Variants in SPTAN1 observed in about 807,000 individuals in gnomAD.
SPTAN1 encodes spectrin alpha chain, non-erythrocytic 1.
SPTAN1 carries 61 observed loss-of-function variants against 331.3 expected under a neutral mutation model. The observed-to-expected ratio is 0.18, with a 90% CI of 0.15 to 0.23. The LOEUF (loss-of-function observed/expected upper bound fraction) is 0.23, where lower values mean the gene tolerates loss of function less well. Ranked by LOEUF, SPTAN1 falls within the 10% of genes least tolerant of loss-of-function variation. The pLI is 1.00. For synonymous variants in SPTAN1, 1,153 were observed against 1,173.9 expected (o/e 0.98, Z 0.36); for missense variants, 2,043 against 3,147.9 (o/e 0.65, Z 8.40).
In SPTAN1 at chr9:128,625,071, G is replaced by A. The variant is rs1004407026; in HGVS notation, c.5993-32G>A. 2 of 1,598,976 alleles carry A rather than the reference G, an allele frequency of 1.3e-6. No individual in the cohort carries two copies. Among genetic ancestry groups the A allele is most frequent in the Admixed American group, 1.7e-5 (1 of 60,012 alleles). On this transcript the variant is annotated intron_variant, in intron 46 of 56. Coordinates refer to ENST00000372739, the MANE Select transcript of SPTAN1 (RefSeq NM_001130438.3). This position sits in a 1 kb window ranked among gnomAD's most constrained non-coding sequence, Gnocchi z 4.1. ...CTTTCTAATCCATCTCCACTGAGGA[G>A]GGCAGTATATTTTCCACACTTCGTT...
intron 1 of SPTAN1, among the ~76,000 whole-genome samples, chr9:128,558,837 C>T (rs1848960140): frequency 6.6e-6 from 1 of 151,814 alleles, no homozygotes; most frequent in African/African-American, 2.4e-5. Flanking sequence ...GGGTGAGAGG[C>T]TGTAGCACCT....
At chr9:128,593,872 G>A in intron 23 of SPTAN1, 1 of 407,084 alleles carries the variant, frequency 2.5e-6, no homozygotes, top group Non-Finnish European at 4.7e-6. Flanking sequence ...ACTGTGCTAA[G>A]CGCTTGGTTT....
intron 29 of SPTAN1, among the ~76,000 whole-genome samples, chr9:128,604,803 C>T (rs765268242): frequency 2.2e-4 from 33 of 151,920 alleles, no homozygotes; most frequent in Non-Finnish European, 4.0e-4. Context: ...TGGTGGTGGG[C>T]GCCTGTAATC....
intron 2 of SPTAN1, among the ~76,000 whole-genome samples, chr9:128,567,194 T>G (rs1458300079): frequency 6.6e-6 from 1 of 152,242 alleles, no homozygotes; most frequent in Non-Finnish European, 1.5e-5. Context: ...AAACTGATGG[T>G]TCTCAAACCT....
intron 11 of SPTAN1, among the ~76,000 whole-genome samples, chr9:128,581,310 TC>T (rs1235267406): frequency 6.6e-6 from 1 of 152,042 alleles, no homozygotes; most frequent in African/African-American, 2.4e-5. Flanking sequence ...GAGATTTTTT[TC>T]TTAGAACTTA....
chr9:128,615,376 G>A (rs1564292538), intron 40 of SPTAN1, among the ~76,000 whole-genome samples: 1 of 152,060 alleles, frequency 6.6e-6, no homozygotes, highest in Non-Finnish European at 1.5e-5. Context: ...CCACTGCCTT[G>A]ATTTGAGCTA....
intron 24 of SPTAN1, chr9:128,595,814 G>A (rs1173296954): frequency 6.6e-6 from 1 of 151,984 alleles, no homozygotes. Context: ...GTCACTTTTT[G>A]TGACTGGCTT....
rs142967011 is a variant in SPTAN1, at chr9:128,583,312, C to A, written c.2011+31C>A. On this transcript the variant is annotated intron_variant, in intron 15 of 56. Coordinates refer to ENST00000372739, the MANE Select transcript of SPTAN1 (RefSeq NM_001130438.3). Reference sequence around the variant, plus strand: ...AGATGTTCCATTGAATTGTGACATGCATGTTTGGGGAACTAAATACCCCTT... The same window carrying A: ...AGATGTTCCATTGAATTGTGACATGAATGTTTGGGGAACTAAATACCCCTT... 273 of 1,604,662 alleles carry A rather than the reference C, an allele frequency of 1.7e-4. 1 individual carries two copies. In the East Asian group the frequency reaches 6.0e-3, roughly 35 times the overall value.
intron 23 of SPTAN1, 114 bp downstream of exon 23, chr9:128,593,156 G>T: frequency 8.6e-7 from 1 of 1,158,488 alleles, no homozygotes; most frequent in Non-Finnish European, 1.3e-6. Flanking sequence ...GGTGGTGGGA[G>T]GAACTGCCTG....
chr9:128,583,198 A>G lies in SPTAN1; in HGVS notation c.1928A>G (p.His643Arg). ...KAGQKLIDVN[H>R]YAKDEVAARM... ...GGCCAAAAGCTGATTGATGTCAACC[A>G]CTATGCCAAGGATGAAGTGGCAGCT... is the stretch of plus-strand genomic sequence containing the variant. Residue 643 changes from histidine (H) to arginine (R), a missense_variant, in exon 15 of 57, where the codon CAC (histidine) becomes CGC (arginine). Physicochemically the swap from His to Arg is conservative, Grantham distance 29. This residue lies in a region of SPTAN1 where 1,038 missense variants were observed against 1,531.5 expected (regional missense o/e 0.68). Coordinates refer to ENST00000372739, the MANE Select transcript of SPTAN1 (RefSeq NM_001130438.3). The G allele has an allele frequency of 6.2e-7, 1 of 1,614,144 alleles. No individual in the cohort carries two copies. Among genetic ancestry groups the G allele is most frequent in the Non-Finnish European group, 8.5e-7 (1 of 1,180,034 alleles).
In SPTAN1 at chr9:128,628,193, C is replaced by A. The variant is rs7857728; in HGVS notation, c.6707+251C>A. The stretch of plus-strand genomic sequence containing the variant: ...GCCTCACTGGGCGATTCCAAGGGCT[C>A]ACTTTGGGTAGGGAAGGTGATGAAG... On this transcript the variant is annotated intron_variant, in intron 51 of 56. Transcript: ENST00000372739. 107,028 of 665,916 alleles carry A rather than the reference C, an allele frequency of 0.16. 12,258 individuals are homozygous for A. Among genetic ancestry groups the A allele is most frequent in the East Asian group, 0.45 (15,051 of 33,388 alleles). 41.3% of individuals were successfully genotyped at this position (665,916 alleles called of 1,614,324 possible).
intron 1 of SPTAN1, among the ~76,000 whole-genome samples, chr9:128,556,248 T>G (rs897414730): frequency 1.3e-5 from 2 of 152,210 alleles, no homozygotes; most frequent in Non-Finnish European, 1.5e-5. Context: ...AACAGCTCTC[T>G]TTATATGTTT....
At chr9:128,572,691 G>A (rs1223313598) in intron 3 of SPTAN1, among the ~76,000 whole-genome samples, 2 of 152,198 alleles carry the variant, frequency 1.3e-5, no homozygotes, top group African/African-American at 4.8e-5. Context: ...AGTGGTAGCA[G>A]AGGAAGGTGG....
intron 22 of SPTAN1, among the ~76,000 whole-genome samples, chr9:128,592,043 C>G (rs1853606671): frequency 1.3e-5 from 2 of 152,142 alleles, no homozygotes; most frequent in Admixed American, 1.3e-4. Context: ...CCTCTTTCCT[C>G]TAGCTGAGCC....
intron 21 of SPTAN1, 29 bp from the exon 22 acceptor site, chr9:128,591,448 A>C: frequency 1.2e-6 from 2 of 1,613,852 alleles, no homozygotes; most frequent in Non-Finnish European, 1.7e-6. Flanking sequence ...GAAGGAATTT[A>C]CTTTCAGTTC....
chr9:128,627,127 C>T lies in SPTAN1; in HGVS notation c.6577-259C>T. The stretch of plus-strand genomic sequence containing the variant: ...TGTACCCAGCCAGAAGTTTCCATTT[C>T]TGACAGTCCAGCAACTCCCTGCTTG... On this transcript the variant is annotated intron_variant, in intron 49 of 56. Coordinates refer to ENST00000372739, the MANE Select transcript of SPTAN1 (RefSeq NM_001130438.3). This position sits in a 1 kb window ranked among gnomAD's most constrained non-coding sequence, Gnocchi z 4.9. 1.7e-6 allele frequency: 1 copy of T among 600,998 alleles called. No homozygotes were observed. Among genetic ancestry groups the T allele is most frequent in the Admixed American group, 2.1e-5 (1 of 46,650 alleles). 37.2% of individuals were successfully genotyped at this position (600,998 alleles called of 1,614,324 possible).
chr9:128,625,678 CTG>C lies in SPTAN1; in HGVS notation c.6070-90_6070-89del. The C allele has an allele frequency of 7.9e-7, 1 of 1,264,394 alleles. No homozygotes were observed. The highest frequency in any genetic ancestry group is 2.3e-5 in the East Asian group (1 of 43,252). The allele number at this position is 1,264,394 out of a possible 1,614,324, so 78.3% of individuals were successfully genotyped here. On this transcript the variant is annotated intron_variant, in intron 47 of 56. Coordinates refer to ENST00000372739, the MANE Select transcript of SPTAN1 (RefSeq NM_001130438.3). The surrounding 1 kb of genome is among the most constrained non-coding windows in gnomAD (Gnocchi z 4.1). Reference sequence around the variant, plus strand: ...CAGGTGGACAGTTTGGCTTGGGCATCTGGGGGACATGCTGGTGCCATCTGAGC... The same window carrying C: ...CAGGTGGACAGTTTGGCTTGGGCATCGGGGACATGCTGGTGCCATCTGAGC...
At chr9:128,618,174 A>G in intron 43 of SPTAN1, 66 bp downstream of exon 43, 1 of 1,605,852 alleles carries the variant, frequency 6.2e-7, no homozygotes, top group Non-Finnish European at 8.5e-7. Flanking sequence ...GCAGACTCTG[A>G]GCTGTGGGGG....
Position 128,598,944 on chromosome 9 carries a change from T to G in SPTAN1, c.3520-19T>G, listed in dbSNP as rs373387372. 9.9e-5 allele frequency: 159 copies of G among 1,612,566 alleles called. No individual in the cohort carries two copies. Among genetic ancestry groups the G allele is most frequent in the Non-Finnish European group, 1.3e-4 (153 of 1,178,730 alleles). ...GTATTTCTTCTAATAATAAAACTGG[T>G]TTCTCTCTCTCCTTGTAGGAAGTGT... On this transcript the variant is annotated intron_variant, in intron 25 of 56. Coordinates refer to ENST00000372739, the MANE Select transcript of SPTAN1 (RefSeq NM_001130438.3).
Sources: gnomAD v4.1 joint callset for allele counts (sites outside exome capture counted in the v4.1 genomes callset) on GRCh38, gnomAD v4.1.1 for gene constraint, gnomAD v4.1.1 regional missense constraint, Gnocchi (gnomAD v3.1) non-coding constraint, MANE v1.5 for transcripts, NCBI Gene and HGNC (gene_info 2026-07-23, HGNC 2026-07-21) for gene names.